ANHX: variants seen among roughly 807,000 people sequenced by gnomAD.
ANHX encodes anomalous homeobox, also known as anomalous homeobox protein.
In ANHX, 20 loss-of-function variants were observed where a neutral mutation model predicts 38.9. The observed-to-expected ratio is 0.51, with a 90% CI of 0.36 to 0.75. The LOEUF is 0.75. Among genes scored for constraint, ANHX ranks in the 30% least tolerant of loss-of-function variants. The pLI is 0.00. For missense variants in ANHX, 475 were observed against 493.1 expected (o/e 0.96, Z 0.35); for synonymous variants, 185 against 203.1 (o/e 0.91, Z 0.76).
intron 7 of ANHX, among the ~76,000 whole-genome samples, chr12:133,224,906 G>T (rs931088889): frequency 6.7e-6 from 1 of 148,882 alleles, no homozygotes; most frequent in African/African-American, 2.5e-5. Flanking sequence ...GGAGGAGGTT[G>T]CAGTGAGCCG....
chr12:133,225,975 C>G (rs928292786), intron 6 of ANHX, among the ~76,000 whole-genome samples, 147 bp from the exon 7 acceptor site: 1 of 150,604 alleles, frequency 6.6e-6, no homozygotes, highest in Non-Finnish European at 1.5e-5. Flanking sequence ...AAAAGCAAAA[C>G]AGACAAAGTA....
intron 8 of ANHX, 24 bp from the exon 9 acceptor site, chr12:133,219,391 T>C (rs771534032): frequency 5.8e-5 from 86 of 1,476,470 alleles, no homozygotes; most frequent in Middle Eastern, 1.7e-4. Flanking sequence ...AGTGTAAGAA[T>C]AGGCCCTATC....
intron 2 of ANHX, among the ~76,000 whole-genome samples, chr12:133,232,316 T>TG (rs1185668381): frequency 2.3e-5 from 1 of 44,324 alleles, no homozygotes; most frequent in East Asian, 2.9e-3. Flanking sequence ...TTTCCTTAAT[T>TG]CCAATCATCT....
At chr12:133,223,847 A>C (rs1957147618) in intron 7 of ANHX, among the ~76,000 whole-genome samples, 1 of 150,646 alleles carries the variant, frequency 6.6e-6, no homozygotes, top group Non-Finnish European at 1.5e-5. Flanking sequence ...TTTAAGACCC[A>C]CCCCCCCAAA....
intron 2 of ANHX, 60 bp downstream of exon 2, chr12:133,234,048 G>C (rs1485236102): frequency 1.3e-6 from 2 of 1,506,806 alleles, no homozygotes; most frequent in African/African-American, 1.4e-5. Context: ...GAGATGGGTG[G>C]AGGCTGCCTA....
intron 3 of ANHX, among the ~76,000 whole-genome samples, chr12:133,231,195 G>A (rs1957268760): frequency 6.6e-6 from 1 of 152,152 alleles, no homozygotes; most frequent in Non-Finnish European, 1.5e-5. Context: ...CAGTCCCTGG[G>A]TGGATGCTGG....
intron 6 of ANHX, 46 bp downstream of exon 6, chr12:133,226,272 G>C (rs1430076205): frequency 2.0e-6 from 3 of 1,536,012 alleles, no homozygotes; most frequent in African/African-American, 2.7e-5. Context: ...GGAGGAAAGG[G>C]AACTGAATAG....
intron 2 of ANHX, among the ~76,000 whole-genome samples, chr12:133,232,761 ACT>A (rs1357541051): frequency 6.6e-6 from 1 of 151,716 alleles, no homozygotes; most frequent in Non-Finnish European, 1.5e-5. Flanking sequence ...CTAACTCTGC[ACT>A]CTCTCGTTTG....
At position 133,227,943 on chromosome 12, in the gene ANHX, G is replaced by A. The variant is rs1405938279; in HGVS notation, c.382C>T (p.Pro128Ser). The stretch of plus-strand genomic sequence containing the variant: ...TCTGGGCAGAGGGAGGGGGGCGGGG[G>A]GTTCCTGGGTAAGGACAGTGAGGAG... ...VQKFRCRKRN[P>S]PPPSLCPEGL... The change falls in exon 4 of 10, where the codon CCC (proline) becomes TCC (serine). Residue 128 changes from proline to serine, a missense_variant. Physicochemically the swap from Pro to Ser is moderately conservative, Grantham distance 74 (BLOSUM62 -1). Transcript: ENST00000545940. 4.6e-6 allele frequency: 7 copies of A among 1,527,140 alleles called. No individual in the cohort carries two copies. Among genetic ancestry groups the A allele is most frequent in the Non-Finnish European group, 6.1e-6 (7 of 1,142,132 alleles). 94.6% of individuals were successfully genotyped at this position (1,527,140 alleles called of 1,614,324 possible).
chr12:133,227,996 C>A, intron 3 of ANHX, 49 bp from the exon 4 acceptor site: 1 of 1,529,710 alleles, frequency 6.5e-7, no homozygotes, highest in Non-Finnish European at 8.8e-7. Context: ...CCCTCCAAAT[C>A]TGTTCCCTTC....
intron 5 of ANHX, 125 bp from the exon 6 acceptor site, chr12:133,226,563 G>T: frequency 1.5e-6 from 2 of 1,352,180 alleles, no homozygotes; most frequent in Non-Finnish European, 2.0e-6. Context: ...CAATGTTTTT[G>T]CTTCTTGTCC....
rs1265555792 is a variant in ANHX, at chr12:133,227,882, C to T, written c.443G>A (p.Arg148His). 33 of 1,533,606 alleles carry T rather than the reference C, an allele frequency of 2.2e-5. No homozygotes were observed. The highest frequency in any genetic ancestry group is 1.7e-4 in the East Asian group (7 of 40,716). 95.0% of individuals were successfully genotyped at this position (1,533,606 alleles called of 1,614,324 possible). ...LKSRNFPREV[R>H]EKLHNFAVGV... ...CACAGCGAAATTGTGCAGCTTCTCA[C>T]GAACCTCTCTGGGGAAGTTCCGGCT... The change falls in exon 4 of 10, where the codon CGT (arginine) becomes CAT (histidine). Residue 148 changes from arginine (R) to histidine (H), a missense_variant. Transcript: ENST00000545940.
At chr12:133,235,008 G>T (rs1430942417) in intron 1 of ANHX, 1 of 152,606 alleles carries the variant, frequency 6.6e-6, no homozygotes, top group Non-Finnish European at 1.5e-5. Context: ...CTTTCCAAAA[G>T]GTTTGTAAAT....
At position 133,219,367 on chromosome 12, in the gene ANHX, G is replaced by A; in HGVS notation, c.1281C>T (p.Ser427=). 6.6e-7 allele frequency: 1 copy of A among 1,525,624 alleles called. No homozygotes were observed. Among genetic ancestry groups the A allele is most frequent in the Non-Finnish European group, 8.8e-7 (1 of 1,141,896 alleles). The allele number at this position is 1,525,624 out of a possible 1,614,324, so 94.5% of individuals were successfully genotyped here. A position where few individuals can be genotyped will look rare whatever the true frequency, so the allele number is the denominator to read the frequency against. ...ATGGGGCTGGGGCCAGCTCTGGAGG[G>A]CTGGAAAAGAGACAGTGTAAGAATA... ...LQAPEFILTQ[S]PPELAPAPSA... is the part of the protein sequence containing the mutation. Residue 427 remains serine (S), a splice_region_variant and synonymous_variant, in exon 9 of 10, where the codon AGC becomes AGT. Transcript: ENST00000545940.
rs1251176527 is a variant in ANHX, at chr12:133,227,128, A to C, written c.526T>G (p.Leu176Val). The C allele has an allele frequency of 1.1e-5, 17 of 1,535,504 alleles. No individual in the cohort carries two copies. Among genetic ancestry groups the C allele is most frequent in the Non-Finnish European group, 1.5e-5 (17 of 1,146,582 alleles). Residue 176 changes from leucine (L) to valine (V), a missense_variant, in exon 5 of 10, where the codon TTG (leucine) becomes GTG (valine). Coordinates refer to ENST00000545940, the MANE Select transcript of ANHX (RefSeq NM_001372060.1). The stretch of plus-strand genomic sequence containing the variant: ...CAGTTGTACACCTGCTCAGGGGTCA[A>C]GCTCGTCTCCAATGCCAAGTTCTCC... ...ERENLALETS[L>V]TPEQVYNWFA...
intron 7 of ANHX, among the ~76,000 whole-genome samples, chr12:133,223,445 CTTTTTT>C (rs899014720): frequency 7.7e-6 from 1 of 130,214 alleles, no homozygotes; most frequent in Admixed American, 8.0e-5. Context: ...AGACTTTATT[CTTTTTT>C]TTTTTTTTTT....
At chr12:133,228,618 C>T (rs997320013) in intron 3 of ANHX, among the ~76,000 whole-genome samples, 7 of 152,160 alleles carry the variant, frequency 4.6e-5, no homozygotes, top group African/African-American at 1.4e-4. Flanking sequence ...AGAGAAGCAC[C>T]ACCTGTGCCC....
intron 1 of ANHX, 91 bp downstream of exon 1, chr12:133,235,716 A>ACCC (rs1463726048): frequency 1.6e-5 from 1 of 64,470 alleles, no homozygotes; most frequent in Non-Finnish European, 3.0e-5. Flanking sequence ...ACCCTCTGGG[A>ACCC]CCCCCGCCCC....
At chr12:133,229,810 G>A (rs1402393201) in intron 3 of ANHX, among the ~76,000 whole-genome samples, 5 of 152,252 alleles carry the variant, frequency 3.3e-5, no homozygotes, top group African/African-American at 1.2e-4. Flanking sequence ...CAGCCTCTAA[G>A]GCAGGGTGAG....
Sources: gnomAD v4.1 joint callset for allele counts (sites outside exome capture counted in the v4.1 genomes callset) on GRCh38, gnomAD v4.1.1 for gene constraint, MANE v1.5 for transcripts, NCBI Gene and HGNC (gene_info 2026-07-23, HGNC 2026-07-21) for gene names.